The following PIK3CB variants were observed in gnomAD, a reference collection of about 807,000 sequenced individuals.
PIK3CB encodes phosphatidylinositol 4,5-bisphosphate 3-kinase catalytic subunit beta isoform.
In PIK3CB, 39 loss-of-function variants were observed where a neutral mutation model predicts 136.8. The ratio of observed to expected loss-of-function variants is 0.29; its 90% confidence interval spans 0.22 to 0.37. The LOEUF (loss-of-function observed/expected upper bound fraction) is 0.37. Among genes scored for constraint, PIK3CB ranks in the 10% least tolerant of loss-of-function variants. The probability of loss-of-function intolerance (pLI) is 1.00; values close to 1 mark genes in which losing one functional copy is unlikely to be tolerated. For synonymous variants in PIK3CB, 428 were observed against 436.6 expected (o/e 0.98, Z 0.25); for missense variants, 868 against 1,275.4 (o/e 0.68, Z 4.87).
intron 9 of PIK3CB, among the ~76,000 whole-genome samples, chr3:138,713,414 G>A (rs1197993063): frequency 1.3e-5 from 2 of 151,788 alleles, no homozygotes; most frequent in Non-Finnish European, 2.9e-5. Context: ...GGCCACGCCT[G>A]TAATCCCAGC....
In PIK3CB at chr3:138,815,562, C is replaced by T. The variant is rs374544488; in HGVS notation, c.-121-18995G>A. ...GTCCTGAAAAAAGAATAAAGCAGTT[C>T]TACACCTACAGATACATGGCATCAA... is the stretch of plus-strand genomic sequence containing the variant. On this transcript the variant is annotated intron_variant, in intron 1 of 23. Coordinates refer to ENST00000674063, the MANE Select transcript of PIK3CB (RefSeq NM_006219.3). 5.3e-5 allele frequency among the ~76,000 whole-genome samples: 8 copies of T among 152,028 alleles called. No individual in the cohort carries two copies. In the East Asian group the frequency reaches 1.3e-3, roughly 26 times the overall value.
chr3:138,740,477 T>C (rs1205535451), intron 5 of PIK3CB, among the ~76,000 whole-genome samples: 1 of 152,150 alleles, frequency 6.6e-6, no homozygotes, highest in East Asian at 1.9e-4. Context: ...ACTAAGACAG[T>C]GTCACACACA....
chr3:138,771,037 C>T (rs1310107542), intron 2 of PIK3CB, among the ~76,000 whole-genome samples: 1 of 151,976 alleles, frequency 6.6e-6, no homozygotes, highest in Non-Finnish European at 1.5e-5. Flanking sequence ...ACTACATTTG[C>T]TATCACAACT....
At chr3:138,692,279 G>C (rs907666361) in intron 14 of PIK3CB, among the ~76,000 whole-genome samples, 2 of 152,076 alleles carry the variant, frequency 1.3e-5, no homozygotes, top group Admixed American at 6.5e-5. Flanking sequence ...TGAAACCCAG[G>C]GCACTATATA....
chr3:138,725,264 T>G (rs1057395233), intron 8 of PIK3CB, among the ~76,000 whole-genome samples: 1 of 151,882 alleles, frequency 6.6e-6, no homozygotes, highest in Non-Finnish European at 1.5e-5. Context: ...TCCTGAGACC[T>G]ATATAACTAG....
At chr3:138,810,034 A>G (rs1932942307) in intron 1 of PIK3CB, among the ~76,000 whole-genome samples, 1 of 152,102 alleles carries the variant, frequency 6.6e-6, no homozygotes, top group African/African-American at 2.4e-5. Flanking sequence ...ACACACGAAC[A>G]CACACACACA....
chr3:138,773,289 G>A (rs1211510948), intron 2 of PIK3CB, among the ~76,000 whole-genome samples: 1 of 151,988 alleles, frequency 6.6e-6, no homozygotes, highest in Non-Finnish European at 1.5e-5. Context: ...TACTTGGGAG[G>A]CTGAGGCAGG....
intron 5 of PIK3CB, among the ~76,000 whole-genome samples, chr3:138,738,596 T>C (rs1219673064): frequency 2.0e-5 from 3 of 152,192 alleles, no homozygotes; most frequent in Non-Finnish European, 2.9e-5. Context: ...TTTAGAGACA[T>C]GTAAATAGAA....
chr3:138,785,237 G>A (rs1365675103), intron 2 of PIK3CB, among the ~76,000 whole-genome samples: 16 of 151,132 alleles, frequency 1.1e-4, no homozygotes, highest in African/African-American at 3.2e-4. Flanking sequence ...GGAGGGAGGC[G>A]GGGGGAAGCT....
At chr3:138,795,030 A>T (rs1394609137) in intron 2 of PIK3CB, among the ~76,000 whole-genome samples, 1 of 151,898 alleles carries the variant, frequency 6.6e-6, no homozygotes, top group Admixed American at 6.6e-5. Flanking sequence ...TTAAAAAAAA[A>T]TTATCTCAGC....
chr3:138,822,303 G>C (rs1204551179), intron 1 of PIK3CB, among the ~76,000 whole-genome samples: 2 of 152,178 alleles, frequency 1.3e-5, no homozygotes, highest in African/African-American at 4.8e-5. Context: ...GGAGGCCGAG[G>C]CAGGCAGATC....
At chr3:138,834,394 G>T (rs917370343) in intron 1 of PIK3CB, among the ~76,000 whole-genome samples, 1 of 152,230 alleles carries the variant, frequency 6.6e-6, no homozygotes, top group Admixed American at 6.5e-5. Context: ...CCTCAGGAAC[G>T]GGACCCAAAG....
intron 4 of PIK3CB, among the ~76,000 whole-genome samples, chr3:138,746,486 C>G (rs1300945708): frequency 3.3e-5 from 5 of 151,826 alleles, no homozygotes; most frequent in Non-Finnish European, 5.9e-5. Flanking sequence ...TGGTGAAACC[C>G]CATCTCTACT....
At chr3:138,690,359 A>G (rs2043982619) in intron 15 of PIK3CB, among the ~76,000 whole-genome samples, 1 of 151,774 alleles carries the variant, frequency 6.6e-6, no homozygotes, top group Non-Finnish European at 1.5e-5. Flanking sequence ...ATTGGGAGGG[A>G]AAAAAAATGT....
rs34470924 is a variant in PIK3CB at position 138,695,931 on chromosome 3, ATTT to A, written c.1771-1027_1771-1025del. The stretch of plus-strand genomic sequence containing the variant: ...CCACTATGCCCAGCTAATTTTTTGT[ATTT>A]TTTTTTTTTTTTTTTTTTTTGAGAT... On this transcript the variant is annotated intron_variant, in intron 13 of 23. Transcript: ENST00000674063. 4.8e-3 allele frequency among the ~76,000 whole-genome samples: 438 copies of A among 90,804 alleles called. 3 individuals are homozygous for A. The highest frequency in any genetic ancestry group is 0.019 in the African/African-American group (420 of 22,260). 59.6% of individuals were successfully genotyped at this position (90,804 alleles called of 152,430 possible).
rs2108583948 is a variant in PIK3CB at position 138,714,562 on chromosome 3, G to A, written c.1208C>T (p.Ala403Val). The stretch of plus-strand genomic sequence containing the variant: ...TACTTTATCCAAAACTGCATAAACA[G>A]CAAAACATAATCGAGCCATTCTTGG... ...DLPRMARLCFAVYAVLDKVKT... is the reference protein window; with the variant it reads ...DLPRMARLCFVVYAVLDKVKT... The change falls in exon 9 of 24, where the codon GCT becomes GTT. Residue 403 changes from alanine (A) to valine (V), a missense_variant. By Grantham distance (64) the Ala-to-Val change is moderately conservative. Around this residue, in one of 4 missense-constraint regions of PIK3CB, gnomAD observed 612 missense variants for 801.1 expected, o/e 0.76. Transcript: ENST00000674063. The A allele has an allele frequency of 1.2e-6, 2 of 1,612,882 alleles. No homozygotes were observed. Among genetic ancestry groups the A allele is most frequent in the Non-Finnish European group, 1.7e-6 (2 of 1,178,968 alleles).
intron 3 of PIK3CB, among the ~76,000 whole-genome samples, chr3:138,758,570 T>C (rs982594548): frequency 3.9e-5 from 6 of 152,202 alleles, no homozygotes; most frequent in African/African-American, 1.2e-4. Flanking sequence ...TTCCAGTTTC[T>C]CTAATGAAGA....
intron 2 of PIK3CB, among the ~76,000 whole-genome samples, chr3:138,780,140 G>C (rs1423282431): frequency 1.3e-5 from 2 of 151,778 alleles, no homozygotes; most frequent in Non-Finnish European, 2.9e-5. Flanking sequence ...GGTATTTTTA[G>C]TAGAGACAGA....
chr3:138,734,775 G>A lies in PIK3CB; in HGVS notation c.831C>T (p.Ala277=), dbSNP rs201044870. The change falls in exon 7 of 24, where the codon GCC becomes GCT. Residue 277 remains alanine, a synonymous_variant. Coordinates refer to ENST00000674063, the MANE Select transcript of PIK3CB (RefSeq NM_006219.3). ...ATTCCACAAGTATAAAATGGGGCAG[G>A]GCTCTGTTCATCACACAGTTCCGGA... ...QYIRNCVMNR[A]LPHFILVECC... is the part of the protein sequence containing the mutation. The A allele has an allele frequency of 4.6e-5, 74 of 1,612,946 alleles. No individual in the cohort carries two copies. The East Asian group carries it at 1.5e-3, about 33-fold the overall frequency.
Sources: gnomAD v4.1 joint callset for allele counts (sites outside exome capture counted in the v4.1 genomes callset) on GRCh38, gnomAD v4.1.1 for gene constraint, gnomAD v4.1.1 regional missense constraint, MANE v1.5 for transcripts, NCBI Gene and HGNC (gene_info 2026-07-23, HGNC 2026-07-21) for gene names.